SLC1A2: variants seen among roughly 807,000 people sequenced by gnomAD.
The protein encoded by SLC1A2 is excitatory amino acid transporter 2.
A neutral mutation model predicts 48.8 loss-of-function variants in SLC1A2; 15 were observed. The observed-to-expected ratio is 0.31, with a 90% CI of 0.21 to 0.47. SLC1A2 has a LOEUF of 0.47. Ranked by LOEUF, SLC1A2 falls within the 20% of genes least tolerant of loss-of-function variation. The pLI is 0.99. For missense variants in SLC1A2, 502 were observed against 730.5 expected (o/e 0.69, Z 3.61); for synonymous variants, 279 against 272.6 (o/e 1.02, Z -0.23).
chr11:35,333,032 G>C (rs1379496243), intron 1 of SLC1A2, among the ~76,000 whole-genome samples: 1 of 152,088 alleles, frequency 6.6e-6, no homozygotes, highest in Non-Finnish European at 1.5e-5. Flanking sequence ...CCCTGGAGTG[G>C]TCTCATTCCC....
At chr11:35,347,330 C>T (rs1044645621) in intron 1 of SLC1A2, among the ~76,000 whole-genome samples, 5 of 152,186 alleles carry the variant, frequency 3.3e-5, no homozygotes, top group Admixed American at 1.3e-4. Flanking sequence ...TCTGGACAGA[C>T]ATGGTAATTC....
intron 4 of SLC1A2, among the ~76,000 whole-genome samples, chr11:35,311,417 C>T (rs1277727922): frequency 1.3e-5 from 2 of 152,160 alleles, no homozygotes; most frequent in East Asian, 3.9e-4. Flanking sequence ...GCCTCGGCCT[C>T]TCGAAGTGCT....
At chr11:35,399,505 G>A (rs1213705551) in intron 1 of SLC1A2, 1 of 424,358 alleles carries the variant, frequency 2.4e-6, no homozygotes, top group East Asian at 1.6e-4. Flanking sequence ...ACAGCAGGAG[G>A]TAGAGCTAGG....
rs1950247352 is a variant in SLC1A2, at chr11:35,252,137, A to C, written c.*8757T>G. 1 of 152,564 alleles carries C rather than the reference A, an allele frequency of 6.6e-6. No homozygotes were observed. The highest frequency in any genetic ancestry group is 1.5e-5 in the Non-Finnish European group (1 of 68,020). 9.5% of individuals were successfully genotyped at this position (152,564 alleles called of 1,614,324 possible). On this transcript the variant is annotated 3_prime_UTR_variant, in exon 11 of 11. Transcript: ENST00000278379. ...CTAAGTTTTTTACAGAGAACTCTGAAGTTTATAGCCAGAACTGTGCTTTCG... is the reference window on the plus strand; with the variant it reads ...CTAAGTTTTTTACAGAGAACTCTGACGTTTATAGCCAGAACTGTGCTTTCG...
Position 35,315,098 on chromosome 11 carries a change from C to A in SLC1A2, c.235G>T (p.Ala79Ser). 6.2e-7 allele frequency: 1 copy of A among 1,610,978 alleles called. No individual in the cohort carries two copies. The highest frequency in any genetic ancestry group is 1.1e-5 in the South Asian group (1 of 91,010). Residue 79 changes from alanine (A) to serine (S), a missense_variant, in exon 3 of 11, where the codon GCC becomes TCC. Ala to Ser is a moderately conservative substitution (Grantham distance 99). Coordinates refer to ENST00000278379, the MANE Select transcript of SLC1A2 (RefSeq NM_004171.4). The part of the protein sequence containing the change: ...PIHPDVVMLI[A>S]FPGDILMRML... The stretch of plus-strand genomic sequence containing the variant: ...CTCATGAGTATATCCCCTGGGAAGG[C>A]TATTAACATAACCACATCAGGGTGG...
chr11:35,270,022 G>A (rs1057420637), intron 9 of SLC1A2, among the ~76,000 whole-genome samples: 8 of 152,152 alleles, frequency 5.3e-5, no homozygotes, highest in Non-Finnish European at 1.0e-4. Context: ...TAGGAGAATC[G>A]TTTGAGCCCG....
rs188103464 is a variant in SLC1A2 at position 35,310,832 on chromosome 11, A to T, written c.561+1366T>A. On this transcript the variant is annotated intron_variant, in intron 4 of 10. Coordinates refer to ENST00000278379, the MANE Select transcript of SLC1A2 (RefSeq NM_004171.4). ...TCCACTCAACAGAATCACCTGTTTTAAAAAAATCTCAAGTTTAAAAAAATG... is the reference window on the plus strand; with the variant it reads ...TCCACTCAACAGAATCACCTGTTTTTAAAAAATCTCAAGTTTAAAAAAATG... Among the ~76,000 whole-genome samples, 85 of 152,260 alleles carry T rather than the reference A, an allele frequency of 5.6e-4. 1 individual carries two copies. The East Asian group carries it at 0.013, about 22-fold the overall frequency.
intron 1 of SLC1A2, 74 bp from the exon 2 acceptor site, chr11:35,317,590 G>A (rs2134904838): frequency 6.6e-7 from 1 of 1,522,106 alleles, no homozygotes; most frequent in East Asian, 2.3e-5. Flanking sequence ...TCGACTAGTA[G>A]GAACCTCTCC....
chr11:35,279,851 T>A (rs1850567487), intron 9 of SLC1A2, among the ~76,000 whole-genome samples: 1 of 152,230 alleles, frequency 6.6e-6, no homozygotes, highest in African/African-American at 2.4e-5. Flanking sequence ...AACACTCAAA[T>A]TCAGTAACCA....
chr11:35,378,866 T>C (rs764367436), intron 1 of SLC1A2, among the ~76,000 whole-genome samples: 1 of 152,168 alleles, frequency 6.6e-6, no homozygotes, highest in Non-Finnish European at 1.5e-5. Flanking sequence ...ATGTAGCTCA[T>C]GGAAGGGGAA....
chr11:35,395,966 G>A (rs1342895506), intron 1 of SLC1A2, among the ~76,000 whole-genome samples: 1 of 149,076 alleles, frequency 6.7e-6, no homozygotes, highest in Non-Finnish European at 1.5e-5. Context: ...TGAGAATGAT[G>A]ATTTCCAATT....
intron 10 of SLC1A2, among the ~76,000 whole-genome samples, chr11:35,262,153 T>C (rs1792891945): frequency 6.6e-6 from 1 of 152,200 alleles, no homozygotes. Context: ...CAGTGAACTG[T>C]CAAGAAAGAT....
At chr11:35,329,688 C>G (rs2058474713) in intron 1 of SLC1A2, among the ~76,000 whole-genome samples, 1 of 152,176 alleles carries the variant, frequency 6.6e-6, no homozygotes, top group Non-Finnish European at 1.5e-5. Flanking sequence ...AATCCACATA[C>G]CAATGTCTGG....
intron 1 of SLC1A2, among the ~76,000 whole-genome samples, chr11:35,352,528 A>G (rs7114936): frequency 0.78 from 119,357 of 152,152 alleles, 47,227 homozygotes; most frequent in East Asian, 0.92. Flanking sequence ...CACCATCCCA[A>G]GGCCAAGCCC....
intron 1 of SLC1A2, among the ~76,000 whole-genome samples, chr11:35,368,115 A>C (rs924232302): frequency 1.3e-5 from 2 of 152,180 alleles, no homozygotes; most frequent in Non-Finnish European, 2.9e-5. Flanking sequence ...TAATTTTCTC[A>C]CCCCATGATA....
chr11:35,386,748 A>T (rs1013927093), intron 1 of SLC1A2, among the ~76,000 whole-genome samples: 10 of 152,200 alleles, frequency 6.6e-5, no homozygotes, highest in Admixed American at 5.9e-4. Context: ...CTATGCATTT[A>T]TCCTCACAAC....
intron 1 of SLC1A2, among the ~76,000 whole-genome samples, chr11:35,374,739 T>A (rs969452991): frequency 2.6e-5 from 4 of 150,966 alleles, no homozygotes; most frequent in Non-Finnish European, 4.5e-5. Context: ...GCTTAGAACA[T>A]TGCTAAGCAA....
intron 1 of SLC1A2, among the ~76,000 whole-genome samples, chr11:35,410,458 C>T (rs770827855): frequency 8.5e-5 from 13 of 152,222 alleles, no homozygotes; most frequent in Admixed American, 2.6e-4. Context: ...GCTTTGTGGA[C>T]GCCTGGATAT....
intron 1 of SLC1A2, among the ~76,000 whole-genome samples, chr11:35,360,688 G>C (rs1329165048): frequency 6.6e-6 from 1 of 152,104 alleles, no homozygotes; most frequent in Non-Finnish European, 1.5e-5. Context: ...GGATTTTGTG[G>C]AAGGACCTCT....
Sources: allele counts gnomAD v4.1 joint callset (sites outside exome capture counted in the v4.1 genomes callset), GRCh38; gene constraint gnomAD v4.1.1; transcripts MANE v1.5; gene names NCBI Gene and HGNC (gene_info 2026-07-23, HGNC 2026-07-21).